NGEF: variants seen among roughly 807,000 people sequenced by gnomAD.
The protein encoded by NGEF is ephexin-1.
A neutral mutation model predicts 80.9 loss-of-function variants in NGEF; 31 were observed. That is an observed-to-expected ratio of 0.38 (90% CI 0.29 to 0.52). The LOEUF (loss-of-function observed/expected upper bound fraction) is 0.52. Ranked by LOEUF, NGEF falls within the 20% of genes least tolerant of loss-of-function variation. NGEF has a pLI of 0.84. For missense variants in NGEF, 709 were observed against 926.2 expected (o/e 0.77, Z 3.04); for synonymous variants, 371 against 370.2 (o/e 1.00, Z -0.03).
At position 232,892,119 on chromosome 2, in the gene NGEF, G is replaced by A. The variant is rs1192986593; in HGVS notation, c.1143-632C>T. ...ATGATTCCTAATCTGCCACATGCTT[G>A]CCTTCTCAATGTTTATCCTCAAAAA... On this transcript the variant is annotated intron_variant, in intron 7 of 14. Coordinates refer to ENST00000264051, the MANE Select transcript of NGEF (RefSeq NM_019850.3). The surrounding 1 kb of genome is among the most constrained non-coding windows in gnomAD (Gnocchi z 4.0). Among the ~76,000 whole-genome samples the A allele has an allele frequency of 6.6e-6, 1 of 152,150 alleles. No individual in the cohort carries two copies. Among genetic ancestry groups the A allele is most frequent in the Non-Finnish European group, 1.5e-5 (1 of 68,022 alleles).
chr2:232,881,097 G>T, intron 14 of NGEF, 49 bp downstream of exon 14: 2 of 1,474,842 alleles, frequency 1.4e-6, no homozygotes, highest in Non-Finnish European at 1.9e-6. Flanking sequence ...GTCATCCCTT[G>T]TGGGGCAAGT....
At chr2:232,992,283 G>A (rs1248316847) in intron 1 of NGEF, among the ~76,000 whole-genome samples, 1 of 152,080 alleles carries the variant, frequency 6.6e-6, no homozygotes, top group Non-Finnish European at 1.5e-5. Flanking sequence ...GGCTGGGCAT[G>A]GTGGTAGCTC....
rs1553543011 is a variant in NGEF at position 232,879,428 on chromosome 2, C to CCA, written c.*60_*61insTG. The CCA allele has an allele frequency of 5.5e-6, 8 of 1,442,434 alleles. No individual in the cohort carries two copies. Among genetic ancestry groups the CCA allele is most frequent in the Non-Finnish European group, 7.6e-6 (8 of 1,057,762 alleles). 89.4% of individuals were successfully genotyped at this position (1,442,434 alleles called of 1,614,324 possible). A position where few individuals can be genotyped will look rare whatever the true frequency, so the allele number is the denominator to read the frequency against. ...GGCCTGTGCTTCCCAGAGCCCCCCC[C>CCA]CCCCCACCTTCTGTCGGGGTCTCAT... On this transcript the variant is annotated 3_prime_UTR_variant, in exon 15 of 15. Transcript: ENST00000264051.
intron 5 of NGEF, among the ~76,000 whole-genome samples, chr2:232,916,991 C>G (rs1409682905): frequency 6.6e-6 from 1 of 152,252 alleles, no homozygotes; most frequent in African/African-American, 2.4e-5. Flanking sequence ...AGGCCACCTG[C>G]CCGCCTCTCT....
Position 232,882,178 on chromosome 2 carries a change from TG to T in NGEF, c.1837+7del. ...CAAATGGCGCCCCCTTACCCACCGGTGACTTACCCAGCAGCCGGGATGTGAA... is the reference window on the plus strand; with the variant it reads ...CAAATGGCGCCCCCTTACCCACCGGTACTTACCCAGCAGCCGGGATGTGAA... On this transcript the variant is annotated splice_region_variant and intron_variant, in intron 13 of 14. Transcript: ENST00000264051. 6.2e-7 allele frequency: 1 copy of T among 1,612,972 alleles called. No individual in the cohort carries two copies. Among genetic ancestry groups the T allele is most frequent in the Non-Finnish European group, 8.5e-7 (1 of 1,179,554 alleles).
chr2:232,987,948 G>A (rs528057237), intron 1 of NGEF, among the ~76,000 whole-genome samples: 3 of 152,184 alleles, frequency 2.0e-5, no homozygotes, highest in African/African-American at 4.8e-5. Flanking sequence ...CAAGCAATAG[G>A]AGACCCAAGC....
intron 3 of NGEF, among the ~76,000 whole-genome samples, chr2:232,958,366 A>C (rs1693875336): frequency 6.6e-6 from 1 of 152,192 alleles, no homozygotes; most frequent in South Asian, 2.1e-4. Context: ...CTTGGTCTGC[A>C]CAGTCCCAGG....
chr2:232,999,582 A>G (rs1262057696), intron 1 of NGEF, among the ~76,000 whole-genome samples: 3 of 152,236 alleles, frequency 2.0e-5, no homozygotes, highest in African/African-American at 7.2e-5. Flanking sequence ...CAGACAGGGC[A>G]TGAGCCAGAG....
chr2:232,995,710 A>T (rs1694826147), intron 1 of NGEF, among the ~76,000 whole-genome samples: 1 of 144,382 alleles, frequency 6.9e-6, no homozygotes, highest in Non-Finnish European at 1.5e-5. Flanking sequence ...TTATATGTGT[A>T]TATACATATA....
intron 3 of NGEF, among the ~76,000 whole-genome samples, chr2:232,969,493 C>CTTCCTTCCTTCCTTCA (rs1694142131): frequency 7.4e-6 from 1 of 134,816 alleles, no homozygotes; most frequent in African/African-American, 2.8e-5. Flanking sequence ...TCCTTCCTCC[C>CTTCCTTCCTTCCTTCA]TCCCTCCCTC....
intron 3 of NGEF, among the ~76,000 whole-genome samples, chr2:232,953,694 C>G (rs780588713): frequency 9.9e-5 from 15 of 152,076 alleles, no homozygotes; most frequent in Admixed American, 3.3e-4. Context: ...GCGGTTTCTT[C>G]TATGGAGCAT....
At chr2:232,991,639 A>G (rs4973061) in intron 1 of NGEF, among the ~76,000 whole-genome samples, 129,184 of 152,160 alleles carry the variant, frequency 0.85, 54,988 homozygotes, top group East Asian at 0.99. Context: ...TGGATCAGAA[A>G]AATTAATATT....
At chr2:232,893,558 G>A (rs1691952693) in intron 6 of NGEF, among the ~76,000 whole-genome samples, 1 of 152,192 alleles carries the variant, frequency 6.6e-6, no homozygotes, top group African/African-American at 2.4e-5. Flanking sequence ...CGGATCACCT[G>A]AGGTCAGGAG....
chr2:232,973,974 C>T (rs1317571291), intron 2 of NGEF, among the ~76,000 whole-genome samples: 1 of 152,076 alleles, frequency 6.6e-6, no homozygotes. Flanking sequence ...GCTGTGCCTC[C>T]CGGGCTGGGA....
chr2:232,952,892 C>T, intron 3 of NGEF, among the ~76,000 whole-genome samples: 1 of 140,086 alleles, frequency 7.1e-6, no homozygotes, highest in South Asian at 2.4e-4. Context: ...TCACTTGAAC[C>T]CGGAGGCAGA....
At chr2:232,962,811 T>C (rs1442504542) in intron 3 of NGEF, among the ~76,000 whole-genome samples, 2 of 143,968 alleles carry the variant, frequency 1.4e-5, no homozygotes, top group Non-Finnish European at 2.9e-5. Flanking sequence ...GACATGTTCA[T>C]AGTTTGAACA....
In NGEF at chr2:232,908,130, CAA is replaced by C. The variant is rs1169738051; in HGVS notation, c.828+12152_828+12153del. 5.3e-5 allele frequency among the ~76,000 whole-genome samples: 8 copies of C among 152,216 alleles called. No homozygotes were observed. The South Asian group carries it at 6.2e-4, about 12-fold the overall frequency. On this transcript the variant is annotated intron_variant, in intron 5 of 14. Coordinates refer to ENST00000264051, the MANE Select transcript of NGEF (RefSeq NM_019850.3). ...GTCACAAAAAAAATAAAAAATAAAA[CAA>C]ATAAAATGTTTGCGTCTTTAAACAG...
intron 5 of NGEF, among the ~76,000 whole-genome samples, chr2:232,907,828 G>T (rs1692603671): frequency 6.6e-6 from 1 of 151,984 alleles, no homozygotes; most frequent in Admixed American, 6.6e-5. Context: ...GCATCTTTGG[G>T]CCGGGCACGG....
rs1691579248 is a variant in NGEF at position 232,883,422 on chromosome 2, C to T, written c.1646G>A (p.Arg549His). 2.5e-6 allele frequency: 4 copies of T among 1,610,078 alleles called. No homozygotes were observed. The highest frequency in any genetic ancestry group is 1.3e-5 in the African/African-American group (1 of 74,956). ...VFDSAPRGLL[R>H]VEELEDQGQT... The stretch of plus-strand genomic sequence containing the variant: ...GCCCTGGTCCTCCAGCTCCTCCACA[C>T]GCAGCAGTCCCCGCGGAGCTGAGTC... Residue 549 changes from arginine to histidine, a missense_variant, in exon 12 of 15, where the codon CGT becomes CAT. By Grantham distance (29) the Arg-to-His change is conservative. Around this residue, in one of 2 missense-constraint regions of NGEF, gnomAD observed 426 missense variants for 622.9 expected, o/e 0.68. Coordinates refer to ENST00000264051, the MANE Select transcript of NGEF (RefSeq NM_019850.3).
Sources: gnomAD v4.1 joint callset for allele counts (sites outside exome capture counted in the v4.1 genomes callset) on GRCh38, gnomAD v4.1.1 for gene constraint, gnomAD v4.1.1 regional missense constraint, Gnocchi (gnomAD v3.1) non-coding constraint, MANE v1.5 for transcripts, NCBI Gene and HGNC (gene_info 2026-07-23, HGNC 2026-07-21) for gene names.